The following LRRC53 variants were observed in gnomAD, a reference collection of about 807,000 sequenced individuals.
LRRC53 encodes the protein leucine rich repeat containing 53.
Under a neutral mutation model 13.6 loss-of-function variants are expected in LRRC53, and 25 were observed. The ratio of observed to expected loss-of-function variants is 1.83; its 90% CI spans 1.34 to 2.56. The LOEUF is 2.56. LRRC53 is among the 30% of genes most tolerant of loss of function. LRRC53 has a pLI of 0.00. For synonymous variants in LRRC53, 204 were observed against 109.8 expected, an observed-to-expected ratio of 1.86 and a Z score of -5.37; for missense variants, 527 against 275.8, an observed-to-expected ratio of 1.91 and a Z score of -6.45.
In LRRC53 at chr1:74,470,276, A is replaced by T; in HGVS notation, c.3346T>A (p.Trp1116Arg). The T allele has an allele frequency of 2.5e-6, 1 of 400,626 alleles. No homozygotes were observed. Among genetic ancestry groups the T allele is most frequent in the Non-Finnish European group, 4.4e-6 (1 of 226,156 alleles). The allele number at this position is 400,626 out of a possible 1,614,324, so 24.8% of individuals were successfully genotyped here. ...TATTTTTCACTTGTTCCATTTTCCC[A>T]AGTTTGCTGCCTTTCTTTTGTGATG... ...KGITKERQQT[W>R]ENGTSEKYIL... The change falls in exon 5 of 5, where the codon TGG becomes AGG. Residue 1116 changes from tryptophan (W) to arginine (R), a missense_variant. Trp to Arg is a moderately radical substitution (Grantham distance 101, BLOSUM62 -3). Coordinates refer to ENST00000294635, the MANE Select transcript of LRRC53 (RefSeq NM_001382280.1).
chr1:74,491,324 A>G (rs994232419), intron 1 of LRRC53, among the ~76,000 whole-genome samples: 2 of 152,140 alleles, frequency 1.3e-5, no homozygotes, highest in East Asian at 1.9e-4. Flanking sequence ...GGTTCAAGCG[A>G]TTCTCCTGCC....
intron 1 of LRRC53, among the ~76,000 whole-genome samples, chr1:74,498,396 A>G (rs988708396): frequency 6.6e-6 from 1 of 152,210 alleles, no homozygotes; most frequent in Non-Finnish European, 1.5e-5. Context: ...GTGCCACGTT[A>G]TAATTCATGT....
In LRRC53 at chr1:74,475,490, C is replaced by A. The variant is rs751288422; in HGVS notation, c.1225G>T (p.Val409Leu). The change falls in exon 4 of 5, where the codon GTA becomes TTA. Residue 409 changes from valine to leucine, a missense_variant. Physicochemically the swap from Val to Leu is conservative, Grantham distance 32. Coordinates refer to ENST00000294635, the MANE Select transcript of LRRC53 (RefSeq NM_001382280.1). The stretch of plus-strand genomic sequence containing the variant: ...TCCTGGCAAAATAAAGTGCTGCCTA[C>A]CCCACGGTCTTTCTTTTTCAGGTTT... ...FRNLKKKDRG[V>L]GSTLFCQDGR... The A allele has an allele frequency of 2.8e-6, 2 of 716,860 alleles. No individual in the cohort carries two copies. The highest frequency in any genetic ancestry group is 3.0e-5 in the South Asian group (2 of 67,542). 44.4% of individuals were successfully genotyped at this position (716,860 alleles called of 1,614,324 possible). A position where few individuals can be genotyped will look rare whatever the true frequency, so the allele number is the denominator to read the frequency against.
Position 74,470,793 on chromosome 1 carries a change from T to A in LRRC53, c.2829A>T (p.Glu943Asp). 5.0e-6 allele frequency: 2 copies of A among 400,732 alleles called. No individual in the cohort carries two copies. Among genetic ancestry groups the A allele is most frequent in the Non-Finnish European group, 8.8e-6 (2 of 226,180 alleles). The allele number at this position is 400,732 out of a possible 1,614,324, so 24.8% of individuals were successfully genotyped here. Residue 943 changes from glutamate (E) to aspartate (D), a missense_variant, in exon 5 of 5, where the codon GAA becomes GAT. By Grantham distance (45) the Glu-to-Asp change is conservative (BLOSUM62 2). Transcript: ENST00000294635. ...AGGCTTCATTTTGGTCTAAAGTGTA[T>A]TCCTTGTTGTAGCTGTCAGTCTTGT... ...DAHKTDSYNK[E>D]YTLDQNEALQ...
chr1:74,511,743 A>G (rs940465831), intron 1 of LRRC53, among the ~76,000 whole-genome samples: 8 of 151,956 alleles, frequency 5.3e-5, no homozygotes, highest in Admixed American at 1.3e-4. Context: ...TGAGCCTGAG[A>G]AGAGTCAAGG....
At chr1:74,491,459 G>A (rs1386059775) in intron 1 of LRRC53, among the ~76,000 whole-genome samples, 1 of 152,082 alleles carries the variant, frequency 6.6e-6, no homozygotes, top group Non-Finnish European at 1.5e-5. Flanking sequence ...CCAGGATGGT[G>A]TCGATCTCTT....
chr1:74,492,061 G>A, intron 1 of LRRC53: 2 of 1,482,464 alleles, frequency 1.3e-6, no homozygotes, highest in Non-Finnish European at 9.1e-7. Context: ...CCTGTTGGAA[G>A]TATTAAACAA....
At position 74,480,328 on chromosome 1, in the gene LRRC53, G is replaced by C; in HGVS notation, c.729C>G (p.Ala243=). ...TAGATGGCTGGCAATTTAGGTCCTT[G>C]GCATTCCTGAGCGTGTGAGCAGAAG... ...IKSSAHTLRN[A]KDLNCQPSTA... The change falls in exon 3 of 5, where the codon GCC becomes GCG. Residue 243 remains alanine (A), a synonymous_variant. Transcript: ENST00000294635. 1 of 717,766 alleles carries C rather than the reference G, an allele frequency of 1.4e-6. No individual in the cohort carries two copies. Among genetic ancestry groups the C allele is most frequent in the Non-Finnish European group, 2.6e-6 (1 of 385,162 alleles). The allele number at this position is 717,766 out of a possible 1,614,324, so 44.5% of individuals were successfully genotyped here.
chr1:74,474,058 TG>T (rs1668066664), intron 4 of LRRC53, among the ~76,000 whole-genome samples: 1 of 152,134 alleles, frequency 6.6e-6, no homozygotes, highest in Non-Finnish European at 1.5e-5. Context: ...GCAGAATTTC[TG>T]GTATTTCTTA....
At chr1:74,486,429 T>C (rs979208664) in intron 1 of LRRC53, among the ~76,000 whole-genome samples, 1 of 152,150 alleles carries the variant, frequency 6.6e-6, no homozygotes. Flanking sequence ...ATCAATATAA[T>C]TTGCTGGTAT....
At chr1:74,518,532 A>G in the LRRC53 span, among the ~76,000 whole-genome samples, 10 of 152,034 alleles carry the variant, frequency 6.6e-5, no homozygotes, top group African/African-American at 2.4e-4. Flanking sequence ...GGGTGGCTCT[A>G]TGGTTCCCAC....
At chr1:74,483,828 A>G (rs180717458) in intron 1 of LRRC53, among the ~76,000 whole-genome samples, 1 of 152,248 alleles carries the variant, frequency 6.6e-6, no homozygotes, top group East Asian at 1.9e-4. Flanking sequence ...ATGCAAAGCT[A>G]ATCTCAGACA....
At chr1:74,479,272 C>A (rs1190761857) in intron 3 of LRRC53, among the ~76,000 whole-genome samples, 4 of 152,184 alleles carry the variant, frequency 2.6e-5, no homozygotes, top group Admixed American at 1.3e-4. Context: ...AAATCTCATG[C>A]ATCTTTGGTC....
At chr1:74,495,768 A>G (rs986110545) in intron 1 of LRRC53, among the ~76,000 whole-genome samples, 1 of 152,146 alleles carries the variant, frequency 6.6e-6, no homozygotes, top group Non-Finnish European at 1.5e-5. Context: ...TAGGAGATGC[A>G]TGTTCCAGAA....
chr1:74,520,755 G>A, the LRRC53 span, among the ~76,000 whole-genome samples: 6 of 152,174 alleles, frequency 3.9e-5, no homozygotes, highest in South Asian at 4.2e-4. Context: ...TCTATGTGGC[G>A]GTGATAAAGA....
intron 4 of LRRC53, among the ~76,000 whole-genome samples, chr1:74,473,442 T>G (rs1030237153): frequency 1.3e-5 from 2 of 152,124 alleles, no homozygotes; most frequent in Non-Finnish European, 2.9e-5. Flanking sequence ...GAGGAAGAAG[T>G]TTTTTATTCC....
chr1:74,490,127 C>G (rs1668989040), intron 1 of LRRC53, among the ~76,000 whole-genome samples: 1 of 147,988 alleles, frequency 6.8e-6, no homozygotes, highest in Non-Finnish European at 1.5e-5. Flanking sequence ...TTTGCAGTTA[C>G]AGCCTGCAGT....
the LRRC53 span, among the ~76,000 whole-genome samples, chr1:74,533,064 T>C: frequency 2.0e-5 from 3 of 152,006 alleles, no homozygotes; most frequent in Admixed American, 6.6e-5. Flanking sequence ...AATTGACAAA[T>C]GGGATCTAAT....
chr1:74,492,453 G>A (rs993175216), intron 1 of LRRC53, among the ~76,000 whole-genome samples: 1 of 152,066 alleles, frequency 6.6e-6, no homozygotes, highest in African/African-American at 2.4e-5. Context: ...GTTAGCCTAG[G>A]TCCTCTAGTT....
Sources: gnomAD v4.1 joint callset for allele counts (sites outside exome capture counted in the v4.1 genomes callset) on GRCh38, gnomAD v4.1.1 for gene constraint, MANE v1.5 for transcripts, NCBI Gene and HGNC (gene_info 2026-07-23, HGNC 2026-07-21) for gene names.